The following THAP12 variants were observed in gnomAD, a reference collection of about 807,000 sequenced individuals.
THAP12 encodes THAP domain containing 12, also known as 52 kDa repressor of the inhibitor of the protein kinase.
In THAP12, 20 loss-of-function variants were observed where a neutral mutation model predicts 63.0. The observed-to-expected ratio is 0.32, with a 90% CI of 0.22 to 0.46. THAP12 has a LOEUF of 0.46. THAP12 is among the 20% of genes least tolerant of loss of function. THAP12 has a pLI of 1.00. For missense variants in THAP12, 568 were observed against 908.2 expected, an observed-to-expected ratio of 0.63 and a Z score of 4.81; for synonymous variants, 264 against 328.4, an observed-to-expected ratio of 0.80 and a Z score of 2.12.
At chr11:76,369,654 T>C (rs988799330) in intron 1 of THAP12, among the ~76,000 whole-genome samples, 1 of 152,202 alleles carries the variant, frequency 6.6e-6, no homozygotes, top group Non-Finnish European at 1.5e-5. Context: ...ACACCTGCCA[T>C]CCCTTCTGGG....
intron 1 of THAP12, among the ~76,000 whole-genome samples, chr11:76,370,766 A>G (rs1946667619): frequency 2.0e-5 from 3 of 150,016 alleles, no homozygotes; most frequent in Admixed American, 2.0e-4. Flanking sequence ...AGGTTGCAGT[A>G]GGCCAAGATC....
At chr11:76,356,554 G>C (rs1311077796) in intron 3 of THAP12, 2 of 152,174 alleles carry the variant, frequency 1.3e-5, no homozygotes, top group Non-Finnish European at 2.9e-5. Flanking sequence ...CATATCTATG[G>C]ATTTAACCAA....
chr11:76,379,213 C>T (rs1258982035), intron 1 of THAP12, among the ~76,000 whole-genome samples: 1 of 152,084 alleles, frequency 6.6e-6, no homozygotes, highest in Non-Finnish European at 1.5e-5. Flanking sequence ...ATGATGTTGG[C>T]TTCACCTTCA....
In THAP12 at chr11:76,363,076, G is replaced by A. The variant is rs866274939; in HGVS notation, c.211-2013C>T. On this transcript the variant is annotated intron_variant, in intron 2 of 4. Coordinates refer to ENST00000260045, the MANE Select transcript of THAP12 (RefSeq NM_004705.4). ...GAGGATTGCTTGAGCCTGGGAGGTC[G>A]GGGCTGCAGTGAGCCATGGCTGCGC... Among the ~76,000 whole-genome samples the A allele has an allele frequency of 7.2e-5, 11 of 152,260 alleles. No individual in the cohort carries two copies. In the East Asian group the frequency reaches 1.5e-3, roughly 21 times the overall value.
chr11:76,369,921 A>G (rs1291384790), intron 1 of THAP12, among the ~76,000 whole-genome samples: 2 of 152,238 alleles, frequency 1.3e-5, no homozygotes, highest in Non-Finnish European at 2.9e-5. Flanking sequence ...TCCTTACTAC[A>G]ATGCAATAAA....
intron 1 of THAP12, among the ~76,000 whole-genome samples, chr11:76,374,883 C>T (rs752701387): frequency 5.3e-5 from 8 of 152,148 alleles, no homozygotes; most frequent in Admixed American, 1.3e-4. Flanking sequence ...TAGGTCATGA[C>T]GGGGAAGCCT....
At chr11:76,380,107 T>C (rs972930985) in intron 1 of THAP12, among the ~76,000 whole-genome samples, 2 of 152,146 alleles carry the variant, frequency 1.3e-5, no homozygotes, top group South Asian at 2.1e-4. Flanking sequence ...AATATGTCAG[T>C]GTGTGGGGGT....
chr11:76,380,608 A>C (rs754123942), intron 1 of THAP12, 140 bp downstream of exon 1: 1 of 589,450 alleles, frequency 1.7e-6, no homozygotes, highest in Non-Finnish European at 2.4e-6. Context: ...ATCTCGGTCC[A>C]ACGCTGGGGT....
At chr11:76,371,753 T>C (rs1029303938) in intron 1 of THAP12, among the ~76,000 whole-genome samples, 2 of 151,608 alleles carry the variant, frequency 1.3e-5, no homozygotes, top group African/African-American at 4.8e-5. Context: ...AACGACCCTA[T>C]CCTGCCAAAT....
rs763088294 is a variant in THAP12 at position 76,350,965 on chromosome 11, T to C, written c.2185A>G (p.Ile729Val). 8 of 1,611,448 alleles carry C rather than the reference T, an allele frequency of 5.0e-6. No individual in the cohort carries two copies. In the Admixed American group the frequency reaches 1.0e-4, roughly 20 times the overall value. Reference protein sequence around the residue: ...NLALLNINFDIKHDLDLMVDT... With the variant: ...NLALLNINFDVKHDLDLMVDT... ...ACCATTAAATCCAGGTCGTGTTTTATATCAAAATTTATGTTAAGCAAAGCC... is the reference window on the plus strand; with the variant it reads ...ACCATTAAATCCAGGTCGTGTTTTACATCAAAATTTATGTTAAGCAAAGCC... The change falls in exon 5 of 5, where the codon ATA becomes GTA. Residue 729 changes from isoleucine to valine, a missense_variant. By Grantham distance (29) the Ile-to-Val change is conservative. Coordinates refer to ENST00000260045, the MANE Select transcript of THAP12 (RefSeq NM_004705.4).
Position 76,352,299 on chromosome 11 carries a change from T to C in THAP12, c.851A>G (p.Asp284Gly). Residue 284 changes from aspartate (D) to glycine (G), a missense_variant, in exon 5 of 5, where the codon GAT (aspartate) becomes GGT (glycine). Physicochemically the swap from Asp to Gly is moderately conservative, Grantham distance 94 (BLOSUM62 -1). Transcript: ENST00000260045. ...EHLPVLVRFV[D>G]ESHNLREEFI... is the part of the protein sequence containing the mutation. ...TTCCTCTCTTAGGTTATGAGATTCA[T>C]CAACAAACCTCACCAACACAGGTAG... 3.1e-6 allele frequency: 5 copies of C among 1,611,834 alleles called. No homozygotes were observed. The highest frequency in any genetic ancestry group is 3.4e-6 in the Non-Finnish European group (4 of 1,179,790).
chr11:76,374,031 T>C (rs573455414), intron 1 of THAP12, among the ~76,000 whole-genome samples: 1 of 152,358 alleles, frequency 6.6e-6, no homozygotes, highest in East Asian at 1.9e-4. Flanking sequence ...AGAAGACAGC[T>C]AGATTCTCAC....
chr11:76,378,800 G>C (rs936147857), intron 1 of THAP12, among the ~76,000 whole-genome samples: 3 of 151,974 alleles, frequency 2.0e-5, no homozygotes, highest in East Asian at 1.9e-4. Context: ...ATAGAGACAG[G>C]GTTTCCCTAT....
At chr11:76,379,032 C>T (rs953786206) in intron 1 of THAP12, among the ~76,000 whole-genome samples, 1 of 152,122 alleles carries the variant, frequency 6.6e-6, no homozygotes, top group East Asian at 1.9e-4. Context: ...ATCTTGAAGT[C>T]GGCTGGGCGC....
chr11:76,376,376 T>C (rs1259701718), intron 1 of THAP12, among the ~76,000 whole-genome samples: 1 of 152,206 alleles, frequency 6.6e-6, no homozygotes, highest in Non-Finnish European at 1.5e-5. Flanking sequence ...AGAGACTTCG[T>C]GTGATCCTGG....
chr11:76,364,792 T>C (rs555559409), intron 2 of THAP12, among the ~76,000 whole-genome samples: 1 of 152,258 alleles, frequency 6.6e-6, no homozygotes, highest in Non-Finnish European at 1.5e-5. Flanking sequence ...TACCATTATA[T>C]CTACCACATA....
At chr11:76,377,719 T>C (rs1946721289) in intron 1 of THAP12, among the ~76,000 whole-genome samples, 1 of 152,268 alleles carries the variant, frequency 6.6e-6, no homozygotes, top group African/African-American at 2.4e-5. Context: ...CATTTGGTTT[T>C]TTTGAATATC....
intron 1 of THAP12, among the ~76,000 whole-genome samples, chr11:76,377,401 C>T (rs1256343707): frequency 6.6e-6 from 1 of 152,188 alleles, no homozygotes; most frequent in Non-Finnish European, 1.5e-5. Flanking sequence ...ATCAGTTGCT[C>T]CCCACTCTCC....
intron 1 of THAP12, among the ~76,000 whole-genome samples, chr11:76,377,551 G>T (rs1004653449): frequency 6.6e-6 from 1 of 152,112 alleles, no homozygotes; most frequent in Non-Finnish European, 1.5e-5. Flanking sequence ...TGTTTCTGAG[G>T]TTCACCCATA....
Sources: allele counts gnomAD v4.1 joint callset (sites outside exome capture counted in the v4.1 genomes callset), GRCh38; gene constraint gnomAD v4.1.1; transcripts MANE v1.5; gene names NCBI Gene and HGNC (gene_info 2026-07-23, HGNC 2026-07-21).